Variants in DNAJC24 observed in about 807,000 individuals in gnomAD.
DNAJC24 encodes DnaJ heat shock protein family (Hsp40) member C24, also known as dnaJ homolog subfamily C member 24.
A neutral mutation model predicts 18.0 loss-of-function variants in DNAJC24; 17 were observed. That is an observed-to-expected ratio of 0.94 (90% CI 0.65 to 1.42). DNAJC24 has a LOEUF of 1.42. DNAJC24 is among the 40% of genes most tolerant of loss of function. The pLI, the probability that DNAJC24 is intolerant of heterozygous loss-of-function variation, is 0.00. For missense variants in DNAJC24, 158 were observed against 175.6 expected, an observed-to-expected ratio of 0.90 and a Z score of 0.57; for synonymous variants, 55 against 57.7, an observed-to-expected ratio of 0.95 and a Z score of 0.21.
chr11:31,390,754 C>A (rs1390271201), intron 2 of DNAJC24, among the ~76,000 whole-genome samples: 1 of 149,508 alleles, frequency 6.7e-6, no homozygotes, highest in African/African-American at 2.5e-5. Context: ...AAAAGCCCAG[C>A]ACCCAATGGA....
At chr11:31,427,159 T>C (rs1329372652) in intron 4 of DNAJC24, 1 of 152,206 alleles carries the variant, frequency 6.6e-6, no homozygotes, top group Non-Finnish European at 1.5e-5. Flanking sequence ...CCTCCAGGTT[T>C]ATAAAAATCT....
At chr11:31,401,499 C>T (rs1952600840) in intron 2 of DNAJC24, among the ~76,000 whole-genome samples, 1 of 151,886 alleles carries the variant, frequency 6.6e-6, no homozygotes, top group Non-Finnish European at 1.5e-5. Context: ...CTTCCCCTTC[C>T]TCTGCCTACC....
Position 31,432,686 on chromosome 11 carries a change from A to G in DNAJC24, c.*2285A>G. 1 of 672,792 alleles carries G rather than the reference A, an allele frequency of 1.5e-6. No homozygotes were observed. Among genetic ancestry groups the G allele is most frequent in the Non-Finnish European group, 2.7e-6 (1 of 376,922 alleles). 41.7% of individuals were successfully genotyped at this position (672,792 alleles called of 1,614,324 possible). A position where few individuals can be genotyped will look rare whatever the true frequency, so the allele number is the denominator to read the frequency against. On this transcript the variant is annotated 3_prime_UTR_variant, in exon 5 of 5. Transcript: ENST00000465995. Reference sequence around the variant, plus strand: ...CCAGATAAACACTTTCTCCTTACTCATCAATCAAGAATAAAATTTTCTACA... The same window carrying G: ...CCAGATAAACACTTTCTCCTTACTCGTCAATCAAGAATAAAATTTTCTACA...
intron 3 of DNAJC24, among the ~76,000 whole-genome samples, chr11:31,420,061 A>G (rs1952788935): frequency 6.6e-6 from 1 of 152,018 alleles, no homozygotes; most frequent in African/African-American, 2.4e-5. Context: ...TTATAACTCT[A>G]TACCCTCCCA....
chr11:31,404,892 C>CAAAAAAAA (rs1219586714), intron 2 of DNAJC24, among the ~76,000 whole-genome samples: 1 of 143,440 alleles, frequency 7.0e-6, no homozygotes. Flanking sequence ...GAATCATTTG[C>CAAAAAAAA]AAAAAAAAAA....
At chr11:31,381,755 T>C (rs768185461) in intron 2 of DNAJC24, among the ~76,000 whole-genome samples, 1 of 151,990 alleles carries the variant, frequency 6.6e-6, no homozygotes, top group Non-Finnish European at 1.5e-5. Flanking sequence ...TTTGTATTTT[T>C]TAGTAGAGAC....
At chr11:31,413,391 T>C (rs186078798) in intron 2 of DNAJC24, among the ~76,000 whole-genome samples, 170 of 146,158 alleles carry the variant, frequency 1.2e-3, no homozygotes, top group Non-Finnish European at 1.7e-3. Flanking sequence ...AGTGCAGTGG[T>C]GCAATCTCAG....
At chr11:31,402,608 A>T (rs1403838969) in intron 2 of DNAJC24, among the ~76,000 whole-genome samples, 1 of 152,088 alleles carries the variant, frequency 6.6e-6, no homozygotes, top group Non-Finnish European at 1.5e-5. Context: ...TCCTGAGCTC[A>T]AGTGCACCTC....
At chr11:31,421,956 T>A (rs1393895360) in intron 3 of DNAJC24, 1 of 444,920 alleles carries the variant, frequency 2.2e-6, no homozygotes, top group South Asian at 1.6e-5. Flanking sequence ...TTCCTTTTAA[T>A]CTCTTTGAAT....
Position 31,432,470 on chromosome 11 carries a change from C to T in DNAJC24, c.*2069C>T. On this transcript the variant is annotated 3_prime_UTR_variant, in exon 5 of 5. Coordinates refer to ENST00000465995, the MANE Select transcript of DNAJC24 (RefSeq NM_181706.5). Reference sequence around the variant, plus strand: ...GTAATAAATTCACATGAAAAGGAGACAATAATCAAGTCAAAAGAATAAATG... The same window carrying T: ...GTAATAAATTCACATGAAAAGGAGATAATAATCAAGTCAAAAGAATAAATG... 1.4e-6 allele frequency: 2 copies of T among 1,473,546 alleles called. No individual in the cohort carries two copies. The highest frequency in any genetic ancestry group is 1.9e-6 in the Non-Finnish European group (2 of 1,053,998). The allele number at this position is 1,473,546 out of a possible 1,614,324, so 91.3% of individuals were successfully genotyped here. A position where few individuals can be genotyped will look rare whatever the true frequency, so the allele number is the denominator to read the frequency against.
At position 31,432,435 on chromosome 11, in the gene DNAJC24, T is replaced by G; in HGVS notation, c.*2034T>G. 2.7e-6 allele frequency: 3 copies of G among 1,120,620 alleles called. No individual in the cohort carries two copies. Among genetic ancestry groups the G allele is most frequent in the Non-Finnish European group, 4.1e-6 (3 of 733,990 alleles). The allele number at this position is 1,120,620 out of a possible 1,614,324, so 69.4% of individuals were successfully genotyped here. ...AATAGTTTATTGGTAAGTACACGGT[T>G]TCAACGGGAGTAATAAATTCACATG... On this transcript the variant is annotated 3_prime_UTR_variant, in exon 5 of 5. Transcript: ENST00000465995.
At chr11:31,376,050 GGGGTGGCGAGGAGGGGGTTCCCCCA>G (rs1459733662) in intron 2 of DNAJC24, among the ~76,000 whole-genome samples, 12 of 84,874 alleles carry the variant, frequency 1.4e-4, no homozygotes, top group South Asian at 4.2e-4. Context: ...ATTGAATCAT[GGGGTGGCGAGGAGGGGGTTCCCCCA>G]TATTGTTCTC....
chr11:31,378,407 A>G (rs546677804), intron 2 of DNAJC24, among the ~76,000 whole-genome samples: 156 of 152,348 alleles, frequency 1.0e-3, no homozygotes, highest in Middle Eastern at 6.8e-3. Context: ...AGTGGTAGGA[A>G]TAGCATTTTA....
chr11:31,379,044 A>T (rs1435578609), intron 2 of DNAJC24, among the ~76,000 whole-genome samples: 1 of 152,156 alleles, frequency 6.6e-6, no homozygotes, highest in Non-Finnish European at 1.5e-5. Flanking sequence ...AGATGCTTAT[A>T]CTATGTTACT....
intron 2 of DNAJC24, among the ~76,000 whole-genome samples, chr11:31,376,144 C>G (rs183573975): frequency 6.6e-6 from 1 of 152,178 alleles, no homozygotes; most frequent in Non-Finnish European, 1.5e-5. Context: ...TTTCCCCTTT[C>G]GCTTGGCTCT....
chr11:31,415,636 C>G (rs971734044), intron 3 of DNAJC24: 5 of 152,216 alleles, frequency 3.3e-5, no homozygotes, highest in Non-Finnish European at 5.9e-5. Flanking sequence ...ACAGGAGTCC[C>G]TCAGCCTTGT....
intron 2 of DNAJC24, among the ~76,000 whole-genome samples, chr11:31,382,239 A>G (rs549910148): frequency 4.6e-4 from 70 of 152,286 alleles, no homozygotes; most frequent in South Asian, 2.5e-3. Flanking sequence ...TTTGGGCCTC[A>G]CTTGTACCAT....
intron 3 of DNAJC24, among the ~76,000 whole-genome samples, chr11:31,424,722 A>G (rs1182843280): frequency 6.6e-6 from 1 of 152,208 alleles, no homozygotes; most frequent in Non-Finnish European, 1.5e-5. Context: ...ATGAAGTGGT[A>G]TAATATCTGA....
At chr11:31,381,275 C>T (rs1371207425) in intron 2 of DNAJC24, among the ~76,000 whole-genome samples, 1 of 152,066 alleles carries the variant, frequency 6.6e-6, no homozygotes, top group Non-Finnish European at 1.5e-5. Context: ...TTTTCAAATT[C>T]ACTCTTCTTA....
Sources: allele counts gnomAD v4.1 joint callset (sites outside exome capture counted in the v4.1 genomes callset), GRCh38; gene constraint gnomAD v4.1.1; transcripts MANE v1.5; gene names NCBI Gene and HGNC (gene_info 2026-07-23, HGNC 2026-07-21).